EFHB: variants seen among roughly 807,000 people sequenced by gnomAD.
The protein encoded by EFHB is EF-hand domain-containing family member B.
EFHB carries 91 observed loss-of-function variants against 87.2 expected under a neutral mutation model. The observed-to-expected ratio is 1.04, with a 90% CI of 0.88 to 1.24. EFHB has a LOEUF of 1.24. Among genes scored for constraint, EFHB ranks in the 50% most tolerant of loss-of-function variants. The pLI, the probability that EFHB is intolerant of heterozygous loss-of-function variation, is 0.00. For missense variants in EFHB, 1,084 were observed against 998.8 expected, an observed-to-expected ratio of 1.09 and a Z score of -1.15; for synonymous variants, 325 against 333.6, an observed-to-expected ratio of 0.97 and a Z score of 0.28.
intron 8 of EFHB, 45 bp downstream of exon 8, chr3:19,898,733 T>A (rs1694566470): frequency 6.3e-7 from 1 of 1,574,882 alleles, no homozygotes; most frequent in Non-Finnish European, 8.7e-7. Flanking sequence ...GGGATTTTGT[T>A]GCTGTTTGTT....
chr3:19,901,993 T>C (rs1039590597), intron 6 of EFHB, among the ~76,000 whole-genome samples: 1 of 150,920 alleles, frequency 6.6e-6, no homozygotes, highest in Non-Finnish European at 1.5e-5. Context: ...ATTAGGAACA[T>C]GCAGAGATGA....
At chr3:19,921,134 G>A (rs754331307) in intron 1 of EFHB, among the ~76,000 whole-genome samples, 7 of 152,150 alleles carry the variant, frequency 4.6e-5, no homozygotes, top group Non-Finnish European at 8.8e-5. Context: ...AGTAGAGAGC[G>A]ACAGAGAAAG....
chr3:19,923,519 T>G (rs1355102750), intron 1 of EFHB, among the ~76,000 whole-genome samples: 1 of 152,100 alleles, frequency 6.6e-6, no homozygotes, highest in African/African-American at 2.4e-5. Context: ...ACTACAAGTG[T>G]GGGCCACCAT....
chr3:19,910,349 C>A (rs1695011959), intron 5 of EFHB, among the ~76,000 whole-genome samples: 1 of 152,034 alleles, frequency 6.6e-6, no homozygotes, highest in South Asian at 2.1e-4. Context: ...GGTGGCTACC[C>A]AGTGAGGTTC....
intron 1 of EFHB, chr3:19,940,628 C>A: frequency 2.4e-6 from 1 of 423,510 alleles, no homozygotes; most frequent in Non-Finnish European, 4.7e-6. Flanking sequence ...GCCTCCTGGA[C>A]CACACATTTA....
At chr3:19,893,474 G>T (rs1694373311) in intron 9 of EFHB, among the ~76,000 whole-genome samples, 1 of 152,178 alleles carries the variant, frequency 6.6e-6, no homozygotes, top group Admixed American at 6.5e-5. Flanking sequence ...CCGAGCTCTT[G>T]GAGAGAGAAC....
chr3:19,905,680 G>A lies in EFHB; in HGVS notation c.1358C>T (p.Pro453Leu). ...CATGGCTCGTCCATCATTAAAATGT[G>A]GTGTTGGTACTCCATACACACTACA... ...HRCSVYGVPT[P>L]HFNDGRAMAK... The change falls in exon 6 of 13, where the codon CCA becomes CTA. Residue 453 changes from proline (P) to leucine (L), a missense_variant. Coordinates refer to ENST00000295824, the MANE Select transcript of EFHB (RefSeq NM_144715.4). The A allele has an allele frequency of 6.2e-7, 1 of 1,613,698 alleles. No individual in the cohort carries two copies. Among genetic ancestry groups the A allele is most frequent in the Non-Finnish European group, 8.5e-7 (1 of 1,179,730 alleles).
At chr3:19,921,526 G>A (rs1458045316) in intron 1 of EFHB, among the ~76,000 whole-genome samples, 2 of 152,088 alleles carry the variant, frequency 1.3e-5, no homozygotes, top group Non-Finnish European at 2.9e-5. Flanking sequence ...AAATCAAGGA[G>A]ATGACAAATA....
At chr3:19,946,699 C>G (rs1274269394) in intron 1 of EFHB, among the ~76,000 whole-genome samples, 3 of 152,158 alleles carry the variant, frequency 2.0e-5, no homozygotes, top group Non-Finnish European at 4.4e-5. Context: ...TAGACAAGTT[C>G]CCTCTAATAA....
chr3:19,941,002 A>G (rs1474433768), intron 1 of EFHB: 1 of 311,714 alleles, frequency 3.2e-6, no homozygotes, highest in East Asian at 7.7e-5. Flanking sequence ...GACATACAAG[A>G]GCAACAAATC....
chr3:19,933,585 G>A lies in EFHB; in HGVS notation c.434C>T (p.Ala145Val), dbSNP rs767613984. Reference protein sequence around the residue: ...GSSQAAGSRRAPLASGPEGVE... With the variant: ...GSSQAAGSRRVPLASGPEGVE... ...CCCTTCAGGGCCACTAGCCAAAGGA[G>A]CTCTCCTGCTCCCTGCAGCCTGTGA... is the stretch of plus-strand genomic sequence containing the variant. The change falls in exon 1 of 13, where the codon GCT (alanine) becomes GTT (valine). Residue 145 changes from alanine (A) to valine (V), a missense_variant. By Grantham distance (64) the Ala-to-Val change is moderately conservative (BLOSUM62 0). Coordinates refer to ENST00000295824, the MANE Select transcript of EFHB (RefSeq NM_144715.4). 1 of 1,613,862 alleles carries A rather than the reference G, an allele frequency of 6.2e-7. No individual in the cohort carries two copies. Among genetic ancestry groups the A allele is most frequent in the Non-Finnish European group, 8.5e-7 (1 of 1,179,894 alleles).
Position 19,879,475 on chromosome 3 carries a change from T to TA in EFHB, c.*155dup. On this transcript the variant is annotated 3_prime_UTR_variant, in exon 13 of 13. Transcript: ENST00000295824. ...GTGCTTTATGGAAAACAATAAATTTTAAAATCCAAAATCTAATTTATTAGC... is the reference window on the plus strand; with the variant it reads ...GTGCTTTATGGAAAACAATAAATTTTAAAAATCCAAAATCTAATTTATTAGC... 2.7e-6 allele frequency: 2 copies of TA among 751,600 alleles called. No homozygotes were observed. The highest frequency in any genetic ancestry group is 3.8e-6 in the Non-Finnish European group (2 of 521,602). The allele number at this position is 751,600 out of a possible 1,614,324, so 46.6% of individuals were successfully genotyped here.
chr3:19,934,914 ATT>A (rs11353478), upstream of EFHB, among the ~76,000 whole-genome samples: 25,567 of 148,650 alleles, frequency 0.17, 2,725 homozygotes, highest in Non-Finnish European at 0.25. Flanking sequence ...ATTTAAAGTA[ATT>A]TTTTTTTTTT....
chr3:19,922,283 G>A (rs932299226), intron 1 of EFHB, among the ~76,000 whole-genome samples: 2 of 152,228 alleles, frequency 1.3e-5, no homozygotes, highest in Non-Finnish European at 2.9e-5. Context: ...TACAGGAAGA[G>A]TTCAACACTT....
At position 19,915,374 on chromosome 3, in the gene EFHB, T is replaced by G; in HGVS notation, c.1217A>C (p.Tyr406Ser). 6.2e-7 allele frequency: 1 copy of G among 1,613,148 alleles called. No homozygotes were observed. Among genetic ancestry groups the G allele is most frequent in the Non-Finnish European group, 8.5e-7 (1 of 1,179,420 alleles). ...ATTTCCTTCTTTAAATACTTCTTCA[T>G]AGGATTTTGGTGGATTCACCACATC... ...AKDVVNPPKS[Y>S]EEVFKEGNEG... is the part of the protein sequence containing the mutation. The change falls in exon 5 of 13, where the codon TAT becomes TCT. Residue 406 changes from tyrosine (Y) to serine (S), a missense_variant. Physicochemically the swap from Tyr to Ser is moderately radical, Grantham distance 144 (BLOSUM62 -2). Transcript: ENST00000295824.
At position 19,884,589 on chromosome 3, in the gene EFHB, T is replaced by C. The variant is rs1438602799; in HGVS notation, c.1960A>G (p.Thr654Ala). Residue 654 changes from threonine to alanine, a missense_variant, in exon 11 of 13, where the codon ACT (threonine) becomes GCT (alanine). Thr to Ala is a moderately conservative substitution (Grantham distance 58). Transcript: ENST00000295824. ...TCAGGTTCTTCAACATTAGCCTCAG[T>C]AGGGTTTACACAATCTGGTTTTCTA... Reference protein sequence around the residue: ...KGRKPDCVNPTEANVEEPEQT... With the variant: ...KGRKPDCVNPAEANVEEPEQT... The C allele has an allele frequency of 1.9e-6, 3 of 1,613,828 alleles. No individual in the cohort carries two copies. Among genetic ancestry groups the C allele is most frequent in the African/African-American group, 2.7e-5 (2 of 74,920 alleles).
chr3:19,936,008 CAAAAAAAAAAAAA>C (rs751728589), upstream of EFHB: 1 of 544,648 alleles, frequency 1.8e-6, no homozygotes, highest in East Asian at 1.0e-4. Context: ...GACTCCATCT[CAAAAAAAAAAAAA>C]AAAAAAAAGC....
rs1394274920 is a variant in EFHB, at chr3:19,918,343, T to C, written c.1066A>G (p.Ile356Val). The C allele has an allele frequency of 8.7e-6, 14 of 1,612,254 alleles. No individual in the cohort carries two copies. Among genetic ancestry groups the C allele is most frequent in the Admixed American group, 3.3e-5 (2 of 59,800 alleles). The change falls in exon 4 of 13, where the codon ATA becomes GTA. Residue 356 changes from isoleucine (I) to valine (V), a missense_variant. Coordinates refer to ENST00000295824, the MANE Select transcript of EFHB (RefSeq NM_144715.4). ...QQKIKDKKES[I>V]YLSNRRAPLG... ...GGTGCTCGTCGATTGCTAAGATATA[T>C]AGATTCTTTTTTATCTTTAATTTTC...
intron 5 of EFHB, among the ~76,000 whole-genome samples, 192 bp downstream of exon 5, chr3:19,915,111 T>G (rs1263211759): frequency 6.6e-6 from 1 of 152,030 alleles, no homozygotes; most frequent in Non-Finnish European, 1.5e-5. Context: ...TAAATAAAAT[T>G]TTTTTAAAAA....
Sources: gnomAD v4.1 joint callset for allele counts (sites outside exome capture counted in the v4.1 genomes callset) on GRCh38, gnomAD v4.1.1 for gene constraint, MANE v1.5 for transcripts, NCBI Gene and HGNC (gene_info 2026-07-23, HGNC 2026-07-21) for gene names.